PRR16: variants seen among roughly 807,000 people sequenced by gnomAD.
PRR16 encodes the protein protein Largen.
Under a neutral mutation model 18.2 loss-of-function variants are expected in PRR16, and 6 were observed. The observed-to-expected ratio is 0.33, with a 90% CI of 0.18 to 0.65. PRR16 has a LOEUF of 0.65. Ranked by LOEUF, PRR16 falls within the 30% of genes least tolerant of loss-of-function variation. The pLI is 0.74. For missense variants in PRR16, 412 were observed against 376.6 expected (o/e 1.09, Z -0.78); for synonymous variants, 151 against 147.8 (o/e 1.02, Z -0.16).
intron 1 of PRR16, among the ~76,000 whole-genome samples, chr5:120,553,108 T>G (rs923756290): frequency 9.9e-5 from 15 of 151,842 alleles, no homozygotes; most frequent in Admixed American, 9.2e-4. Context: ...CTTGCAAAAT[T>G]CTACATGGAT....
At chr5:120,715,900 C>G in the PRR16 span, among the ~76,000 whole-genome samples, 1 of 152,142 alleles carries the variant, frequency 6.6e-6, no homozygotes, top group African/African-American at 2.4e-5. Flanking sequence ...CGTTGAAGCG[C>G]CACTCCCCTT....
intron 1 of PRR16, among the ~76,000 whole-genome samples, chr5:120,609,163 T>C (rs1754253705): frequency 6.6e-6 from 1 of 152,144 alleles, no homozygotes; most frequent in African/African-American, 2.4e-5. Flanking sequence ...CAATTGTTTT[T>C]GGTATATTGC....
chr5:120,608,785 A>G (rs1021500464), intron 1 of PRR16, among the ~76,000 whole-genome samples: 24 of 152,164 alleles, frequency 1.6e-4, no homozygotes, highest in African/African-American at 5.1e-4. Flanking sequence ...AATTCCTGCC[A>G]TGATCCAGGT....
At chr5:120,470,448 A>G (rs559743719) in intron 1 of PRR16, among the ~76,000 whole-genome samples, 2 of 152,278 alleles carry the variant, frequency 1.3e-5, no homozygotes, top group South Asian at 4.1e-4. Context: ...GTCTTTTTGT[A>G]TGCATATTTT....
chr5:120,786,543 A>C, the PRR16 span, among the ~76,000 whole-genome samples: 2 of 146,760 alleles, frequency 1.4e-5, no homozygotes, highest in African/African-American at 5.1e-5. Flanking sequence ...ATATTATTTT[A>C]AATTAAGTAT....
chr5:120,575,318 A>AATAC (rs1554084543), intron 1 of PRR16, among the ~76,000 whole-genome samples: 18 of 138,256 alleles, frequency 1.3e-4, no homozygotes, highest in Admixed American at 2.9e-4. Flanking sequence ...CAGACAAGGA[A>AATAC]ACACACACAC....
chr5:120,629,000 C>A (rs1754968427), intron 1 of PRR16, among the ~76,000 whole-genome samples: 2 of 151,690 alleles, frequency 1.3e-5, no homozygotes. Flanking sequence ...AGCATAGTAC[C>A]CAAAAGACAG....
At chr5:120,762,551 C>T in the PRR16 span, among the ~76,000 whole-genome samples, 1 of 152,134 alleles carries the variant, frequency 6.6e-6, no homozygotes, top group African/African-American at 2.4e-5. Context: ...GGCCGCTCTC[C>T]TGGGCTCAAG....
At chr5:120,635,548 G>A (rs1372116126) in intron 1 of PRR16, among the ~76,000 whole-genome samples, 1 of 152,082 alleles carries the variant, frequency 6.6e-6, no homozygotes, top group South Asian at 2.1e-4. Flanking sequence ...TGTATTAAAA[G>A]CATGTGACAA....
At chr5:120,737,471 A>G in the PRR16 span, among the ~76,000 whole-genome samples, 1 of 151,630 alleles carries the variant, frequency 6.6e-6, no homozygotes, top group South Asian at 2.1e-4. Context: ...CTTGTATTCC[A>G]GGAATAAATA....
the PRR16 span, among the ~76,000 whole-genome samples, chr5:120,702,849 C>G: frequency 1.3e-5 from 2 of 152,128 alleles, no homozygotes; most frequent in African/African-American, 2.4e-5. Context: ...TTGGGCTGGT[C>G]GGTCTGAGGA....
chr5:120,612,041 G>A lies in PRR16; in HGVS notation c.160-73913G>A, dbSNP rs544834597. ...CCTTGATGTGAGATCTGGAGTCAAAGGAGATCATTTTGGGGCTTTAAAATT... is the reference window on the plus strand; with the variant it reads ...CCTTGATGTGAGATCTGGAGTCAAAAGAGATCATTTTGGGGCTTTAAAATT... On this transcript the variant is annotated intron_variant, in intron 1 of 1. Transcript: ENST00000407149. Among the ~76,000 whole-genome samples the A allele has an allele frequency of 8.5e-5, 13 of 152,284 alleles. No homozygotes were observed. In the East Asian group the frequency reaches 2.1e-3, roughly 25 times the overall value.
At chr5:120,631,719 C>T (rs2112840449) in intron 1 of PRR16, among the ~76,000 whole-genome samples, 1 of 152,202 alleles carries the variant, frequency 6.6e-6, no homozygotes. Context: ...TCAGACAGGC[C>T]TATCCCTGCC....
At chr5:120,733,838 G>C in the PRR16 span, among the ~76,000 whole-genome samples, 4 of 151,792 alleles carry the variant, frequency 2.6e-5, no homozygotes, top group Non-Finnish European at 5.9e-5. Context: ...CCCTTGGTTT[G>C]AAAAAACAAA....
intron 1 of PRR16, among the ~76,000 whole-genome samples, chr5:120,553,446 T>G (rs2112703456): frequency 6.6e-6 from 1 of 152,006 alleles, no homozygotes; most frequent in African/African-American, 2.4e-5. Context: ...TGGAAGTACT[T>G]TCTCTTGTTT....
intron 1 of PRR16, among the ~76,000 whole-genome samples, chr5:120,591,399 T>C (rs1753631577): frequency 6.6e-6 from 1 of 152,058 alleles, no homozygotes; most frequent in Admixed American, 6.6e-5. Context: ...TATCCCTCTT[T>C]CTTCATTTGT....
At chr5:120,499,550 C>T (rs542878739) in intron 1 of PRR16, among the ~76,000 whole-genome samples, 1 of 152,156 alleles carries the variant, frequency 6.6e-6, no homozygotes, top group South Asian at 2.1e-4. Flanking sequence ...ATTCTATTCC[C>T]TGGGGTTTTA....
chr5:120,724,659 A>G, the PRR16 span, among the ~76,000 whole-genome samples: 3 of 151,978 alleles, frequency 2.0e-5, no homozygotes, highest in African/African-American at 7.2e-5. Flanking sequence ...ACCTAAACTT[A>G]CCTGTCACAA....
chr5:120,788,066 T>C, the PRR16 span, among the ~76,000 whole-genome samples: 1 of 151,896 alleles, frequency 6.6e-6, no homozygotes, highest in South Asian at 2.1e-4. Flanking sequence ...AATTCCAACC[T>C]ACCCCTTAAA....
Sources: allele counts gnomAD v4.1 joint callset (sites outside exome capture counted in the v4.1 genomes callset), GRCh38; gene constraint gnomAD v4.1.1; transcripts MANE v1.5; gene names NCBI Gene and HGNC (gene_info 2026-07-23, HGNC 2026-07-21).